CTNNBL1: variants seen among roughly 807,000 people sequenced by gnomAD.
CTNNBL1 encodes the protein catenin beta like 1.
A neutral mutation model predicts 72.7 loss-of-function variants in CTNNBL1; 31 were observed. The observed-to-expected ratio is 0.43, with a 90% CI of 0.32 to 0.58. CTNNBL1 has a LOEUF of 0.58. CTNNBL1 is among the 20% of genes least tolerant of loss of function. The pLI, the probability that CTNNBL1 is intolerant of heterozygous loss-of-function variation, is 0.08. For synonymous variants in CTNNBL1, 240 were observed against 267.3 expected, an observed-to-expected ratio of 0.90 and a Z score of 1.00; for missense variants, 534 against 725.1, an observed-to-expected ratio of 0.74 and a Z score of 3.03.
chr20:37,736,667 A>C (rs546011009), intron 2 of CTNNBL1, among the ~76,000 whole-genome samples: 1 of 151,960 alleles, frequency 6.6e-6, no homozygotes, highest in East Asian at 2.0e-4. Context: ...CAACCTCCCG[A>C]GTAGCTGGGA....
intron 1 of CTNNBL1, among the ~76,000 whole-genome samples, chr20:37,725,329 CTT>C (rs1391859452): frequency 1.3e-5 from 2 of 151,286 alleles, no homozygotes; most frequent in Non-Finnish European, 2.9e-5. Context: ...GAGTTTCACT[CTT>C]GTTTTCCCAG....
intron 10 of CTNNBL1, among the ~76,000 whole-genome samples, chr20:37,794,572 A>G (rs2073754484): frequency 6.6e-6 from 1 of 152,060 alleles, no homozygotes; most frequent in African/African-American, 2.4e-5. Context: ...GGCTCACTAC[A>G]ACCTCTTCCT....
chr20:37,773,909 CTTTTTTTTTTT>C lies in CTNNBL1; in HGVS notation c.751-3423_751-3413del, dbSNP rs1176688817. Among the ~76,000 whole-genome samples the C allele has an allele frequency of 4.1e-3, 429 of 104,646 alleles. 4 individuals are homozygous for C. The highest frequency in any genetic ancestry group is 0.016 in the African/African-American group (387 of 23,462). 68.7% of individuals were successfully genotyped at this position (104,646 alleles called of 152,430 possible). A position where few individuals can be genotyped will look rare whatever the true frequency, so the allele number is the denominator to read the frequency against. ...TTTTCTTCTTTTTCTTTCTTTCTCTCTTTTTTTTTTTTTTTTTTTTTTTGAGGCAGGGTCTC... is the reference window on the plus strand; with the variant it reads ...TTTTCTTCTTTTTCTTTCTTTCTCTCTTTTTTTTTTTTGAGGCAGGGTCTC... On this transcript the variant is annotated intron_variant, in intron 7 of 15. Transcript: ENST00000361383.
At chr20:37,813,056 TA>T (rs1361901705) in intron 11 of CTNNBL1, among the ~76,000 whole-genome samples, 2 of 152,118 alleles carry the variant, frequency 1.3e-5, no homozygotes, top group Non-Finnish European at 2.9e-5. Flanking sequence ...CAGTGAGCCT[TA>T]AACCTAGCTG....
chr20:37,782,880 A>T (rs1175753026), intron 10 of CTNNBL1, among the ~76,000 whole-genome samples: 1 of 152,160 alleles, frequency 6.6e-6, no homozygotes, highest in Non-Finnish European at 1.5e-5. Flanking sequence ...ATGTTTTCCA[A>T]TAAGTCCAGT....
intron 3 of CTNNBL1, among the ~76,000 whole-genome samples, chr20:37,738,008 C>T (rs1486485556): frequency 1.3e-5 from 2 of 152,232 alleles, no homozygotes; most frequent in African/African-American, 2.4e-5. Flanking sequence ...ACTTAGGGAA[C>T]ATTTCAAAAG....
At chr20:37,722,486 AAAT>A (rs1445728593) in intron 1 of CTNNBL1, among the ~76,000 whole-genome samples, 1 of 141,344 alleles carries the variant, frequency 7.1e-6, no homozygotes, top group South Asian at 2.1e-4. Flanking sequence ...ATAAATAAAT[AAAT>A]AAATAAATAA....
intron 15 of CTNNBL1, among the ~76,000 whole-genome samples, chr20:37,860,633 A>C (rs1357739114): frequency 6.6e-6 from 1 of 152,246 alleles, no homozygotes; most frequent in African/African-American, 2.4e-5. Flanking sequence ...CAAAAAATTC[A>C]ATTCCAAACT....
intron 5 of CTNNBL1, among the ~76,000 whole-genome samples, chr20:37,761,626 G>A (rs1309288031): frequency 6.6e-6 from 1 of 152,228 alleles, no homozygotes; most frequent in Non-Finnish European, 1.5e-5. Flanking sequence ...CTATATAGCT[G>A]TGAGCAAGCC....
chr20:37,734,664 A>G (rs1240056781), intron 2 of CTNNBL1, among the ~76,000 whole-genome samples: 1 of 152,218 alleles, frequency 6.6e-6, no homozygotes, highest in Non-Finnish European at 1.5e-5. Flanking sequence ...CTGAAGTCCC[A>G]TTTGATGAAA....
chr20:37,785,603 A>G (rs902652795), intron 10 of CTNNBL1, among the ~76,000 whole-genome samples: 2 of 152,072 alleles, frequency 1.3e-5, no homozygotes, highest in African/African-American at 4.8e-5. Flanking sequence ...CATTTTAACT[A>G]TTTCAATATC....
chr20:37,765,770 C>T (rs1240748177), intron 6 of CTNNBL1, among the ~76,000 whole-genome samples: 1 of 152,098 alleles, frequency 6.6e-6, no homozygotes, highest in African/African-American at 2.4e-5. Flanking sequence ...ACCACGTAAA[C>T]TGTGATTTGA....
chr20:37,860,292 G>C lies in CTNNBL1; in HGVS notation c.1551G>C (p.Gln517His). ...ATTAGATTCGCCAGAGGGTTCACCA[G>C]ATCCTAAACATGCGAGGAAGCTCCA... ...NVPQIRQRVHQILNMRGSSIK... is the reference protein window; with the variant it reads ...NVPQIRQRVHHILNMRGSSIK... The change falls in exon 15 of 16, where the codon CAG (glutamine) becomes CAC (histidine). Residue 517 changes from glutamine (Q) to histidine (H), a missense_variant. Transcript: ENST00000361383. 1 of 1,614,108 alleles carries C rather than the reference G, an allele frequency of 6.2e-7. No individual in the cohort carries two copies. Among genetic ancestry groups the C allele is most frequent in the Non-Finnish European group, 8.5e-7 (1 of 1,179,966 alleles).
chr20:37,821,610 C>A (rs2072107963), intron 11 of CTNNBL1, among the ~76,000 whole-genome samples: 2 of 152,136 alleles, frequency 1.3e-5, no homozygotes, highest in African/African-American at 4.8e-5. Context: ...TTTATAAAAT[C>A]AATGACTGAT....
chr20:37,847,223 A>G (rs913940307), intron 13 of CTNNBL1, among the ~76,000 whole-genome samples: 2 of 152,212 alleles, frequency 1.3e-5, no homozygotes, highest in Admixed American at 6.5e-5. Flanking sequence ...TACTTCGAAG[A>G]ATCAACAGGA....
chr20:37,826,535 A>T (rs1272439283), intron 11 of CTNNBL1, among the ~76,000 whole-genome samples: 1 of 152,228 alleles, frequency 6.6e-6, no homozygotes, highest in African/African-American at 2.4e-5. Context: ...CAACAGACAT[A>T]AAAACTGCTT....
intron 7 of CTNNBL1, among the ~76,000 whole-genome samples, chr20:37,773,980 A>G (rs1186456677): frequency 7.7e-6 from 1 of 129,722 alleles, no homozygotes; most frequent in East Asian, 2.2e-4. Flanking sequence ...TGGTGCCATC[A>G]CTACTCACTG....
At chr20:37,830,084 T>A (rs1296672650) in intron 11 of CTNNBL1, among the ~76,000 whole-genome samples, 3 of 152,136 alleles carry the variant, frequency 2.0e-5, no homozygotes. Flanking sequence ...CTAACCAGCC[T>A]TGACCTCCCA....
intron 1 of CTNNBL1, among the ~76,000 whole-genome samples, chr20:37,694,768 C>T (rs918527128): frequency 1.3e-5 from 2 of 152,216 alleles, no homozygotes; most frequent in Non-Finnish European, 2.9e-5. Context: ...AGGAATCTTG[C>T]TCAGGGTCCC....
Sources: allele counts gnomAD v4.1 joint callset (sites outside exome capture counted in the v4.1 genomes callset), GRCh38; gene constraint gnomAD v4.1.1; transcripts MANE v1.5; gene names NCBI Gene and HGNC (gene_info 2026-07-23, HGNC 2026-07-21).